The following FIGN variants were observed in gnomAD, a reference collection of about 807,000 sequenced individuals.
FIGN encodes the protein fidgetin, microtubule severing factor, also known as fidgetin.
In FIGN, 11 loss-of-function variants were observed where a neutral mutation model predicts 51.3. The observed-to-expected ratio is 0.21, with a 90% confidence interval of 0.13 to 0.35. FIGN has a LOEUF of 0.35. FIGN is among the 10% of genes least tolerant of loss of function. The pLI, the probability that FIGN is intolerant of heterozygous loss-of-function variation, is 1.00. For missense variants in FIGN, 857 were observed against 943.6 expected, an observed-to-expected ratio of 0.91 and a Z score of 1.20; for synonymous variants, 407 against 363.2, an observed-to-expected ratio of 1.12 and a Z score of -1.37.
intron 2 of FIGN, among the ~76,000 whole-genome samples, chr2:163,655,734 G>A (rs1452427702): frequency 6.6e-6 from 1 of 151,402 alleles, no homozygotes; most frequent in African/African-American, 2.4e-5. Flanking sequence ...TGATTATAAA[G>A]TCTAATATAA....
intron 2 of FIGN, among the ~76,000 whole-genome samples, chr2:163,733,481 C>G (rs1684963108): frequency 6.6e-6 from 1 of 152,188 alleles, no homozygotes; most frequent in Non-Finnish European, 1.5e-5. Flanking sequence ...CCAATCTGCT[C>G]TGAATATATA....
At chr2:163,631,161 C>T (rs902640405) in intron 2 of FIGN, among the ~76,000 whole-genome samples, 1 of 152,056 alleles carries the variant, frequency 6.6e-6, no homozygotes, top group African/African-American at 2.4e-5. Context: ...CATTTGAATC[C>T]CTGCTGGTTT....
At chr2:163,695,526 T>TACAC (rs35863695) in intron 2 of FIGN, among the ~76,000 whole-genome samples, 3 of 151,438 alleles carry the variant, frequency 2.0e-5, no homozygotes, top group African/African-American at 4.8e-5. Flanking sequence ...CAAAATATCT[T>TACAC]ACACACACAC....
At chr2:163,632,582 G>A (rs193074887) in intron 2 of FIGN, among the ~76,000 whole-genome samples, 1 of 152,308 alleles carries the variant, frequency 6.6e-6, no homozygotes, top group Admixed American at 6.5e-5. Context: ...AGGGTTATTT[G>A]TGCAGGGATT....
intron 2 of FIGN, among the ~76,000 whole-genome samples, chr2:163,686,368 T>C (rs1318432636): frequency 6.6e-6 from 1 of 152,168 alleles, no homozygotes; most frequent in Non-Finnish European, 1.5e-5. Context: ...AATGTACACT[T>C]AATGTGGCGA....
intron 2 of FIGN, among the ~76,000 whole-genome samples, chr2:163,650,142 TA>T (rs145236560): frequency 3.6e-4 from 54 of 150,366 alleles, no homozygotes; most frequent in Admixed American, 5.3e-4. Flanking sequence ...TACCTACACT[TA>T]AAAAAAAATA....
chr2:163,611,850 A>G (rs2231899), intron 2 of FIGN, 44 bp from the exon 3 acceptor site: 317,337 of 1,516,992 alleles, frequency 0.21, 38,670 homozygotes, highest in African/African-American at 0.46. Context: ...TTAAATAGGC[A>G]TCAGAACTCT....
Position 163,648,966 on chromosome 2 carries a change from A to AT in FIGN, c.26-37161_26-37160insA, listed in dbSNP as rs1683427585. On this transcript the variant is annotated intron_variant, in intron 2 of 2. Transcript: ENST00000333129. ...TCATAACACCAAATTGGTACACTTT[A>AT]ATTTTTTAAAACAAATCCTATATAA... Among the ~76,000 whole-genome samples, 10 of 152,184 alleles carry AT rather than the reference A, an allele frequency of 6.6e-5. 1 individual carries two copies. Among genetic ancestry groups the AT allele is most frequent in the Admixed American group, 6.5e-4 (10 of 15,286 alleles).
At chr2:163,615,355 A>G (rs1401443791) in intron 2 of FIGN, among the ~76,000 whole-genome samples, 1 of 152,190 alleles carries the variant, frequency 6.6e-6, no homozygotes, top group Non-Finnish European at 1.5e-5. Context: ...TATTAGCAGG[A>G]GCTGAGGAAA....
chr2:163,718,129 T>C (rs1684698473), intron 2 of FIGN, among the ~76,000 whole-genome samples: 1 of 152,102 alleles, frequency 6.6e-6, no homozygotes. Flanking sequence ...CGTCTCTCAG[T>C]ATAGCGACAG....
intron 2 of FIGN, among the ~76,000 whole-genome samples, chr2:163,661,111 C>A (rs1168279554): frequency 6.7e-6 from 1 of 149,300 alleles, no homozygotes; most frequent in South Asian, 2.1e-4. Flanking sequence ...CTTGAACTCT[C>A]GACCTCAGGT....
intron 2 of FIGN, among the ~76,000 whole-genome samples, chr2:163,709,694 C>T (rs530908306): frequency 6.6e-6 from 1 of 152,092 alleles, no homozygotes; most frequent in Admixed American, 6.6e-5. Flanking sequence ...CCCTTCTTCC[C>T]AGTATCTGCC....
intron 2 of FIGN, among the ~76,000 whole-genome samples, chr2:163,728,200 C>CT (rs1332884313): frequency 2.0e-5 from 3 of 151,936 alleles, no homozygotes; most frequent in Admixed American, 1.3e-4. Flanking sequence ...AATGAGCATA[C>CT]TTTCGTTTTT....
chr2:163,708,322 T>G (rs531355650), intron 2 of FIGN, among the ~76,000 whole-genome samples: 1 of 152,196 alleles, frequency 6.6e-6, no homozygotes, highest in African/African-American at 2.4e-5. Context: ...TAAATTTTAA[T>G]TTTTAAAAAT....
At chr2:163,700,555 G>A (rs1192925698) in intron 2 of FIGN, among the ~76,000 whole-genome samples, 1 of 152,148 alleles carries the variant, frequency 6.6e-6, no homozygotes, top group Non-Finnish European at 1.5e-5. Flanking sequence ...TCAGAGGCTA[G>A]GTTGCAGCAA....
At position 163,672,462 on chromosome 2, in the gene FIGN, A is replaced by G. The variant is rs13401567; in HGVS notation, c.26-60656T>C. The stretch of plus-strand genomic sequence containing the variant: ...TGAGAAAGGCTTTCATGCCTTAGTT[A>G]CATTTTCTGTCTCCTCCAATTAGAC... On this transcript the variant is annotated intron_variant, in intron 2 of 2. Coordinates refer to ENST00000333129, the MANE Select transcript of FIGN (RefSeq NM_018086.4). Among the ~76,000 whole-genome samples the G allele has an allele frequency of 9.0e-3, 1,364 of 152,252 alleles. 26 individuals carry two copies. Among genetic ancestry groups the G allele is most frequent in the African/African-American group, 0.031 (1,297 of 41,532 alleles).
intron 2 of FIGN, among the ~76,000 whole-genome samples, chr2:163,630,896 G>A (rs139546206): frequency 7.2e-4 from 109 of 152,152 alleles, no homozygotes; most frequent in African/African-American, 1.9e-3. Context: ...AACAGGTTTC[G>A]TCTTCATCAT....
At chr2:163,727,840 C>G (rs981966703) in intron 2 of FIGN, among the ~76,000 whole-genome samples, 28 of 152,108 alleles carry the variant, frequency 1.8e-4, no homozygotes, top group Admixed American at 1.8e-3. Context: ...CTTCAAAATT[C>G]AGTTTTAGGT....
chr2:163,709,898 A>G (rs541283433), intron 2 of FIGN, among the ~76,000 whole-genome samples: 119 of 152,298 alleles, frequency 7.8e-4, no homozygotes, highest in African/African-American at 2.8e-3. Flanking sequence ...ACTGTTATTT[A>G]TTTTCTCATT....
Sources: gnomAD v4.1 joint callset for allele counts (sites outside exome capture counted in the v4.1 genomes callset) on GRCh38, gnomAD v4.1.1 for gene constraint, MANE v1.5 for transcripts, NCBI Gene and HGNC (gene_info 2026-07-23, HGNC 2026-07-21) for gene names.